The following COL5A2 variants were observed in gnomAD, a reference collection of about 807,000 sequenced individuals.
The protein encoded by COL5A2 is collagen alpha-2(V) chain.
A neutral mutation model predicts 208.2 loss-of-function variants in COL5A2; 23 were observed. That is an observed-to-expected ratio of 0.11 (90% CI 0.08 to 0.16). COL5A2 has a LOEUF of 0.16. Ranked by LOEUF, COL5A2 falls within the 10% of genes least tolerant of loss-of-function variation. The pLI is 1.00. For synonymous variants in COL5A2, 625 were observed against 628.5 expected (o/e 0.99, Z 0.08); for missense variants, 1,590 against 1,956.4 (o/e 0.81, Z 3.53).
At chr2:189,110,197 A>T in intron 2 of COL5A2, 28 bp downstream of exon 2, 1 of 1,459,760 alleles carries the variant, frequency 6.9e-7, no homozygotes, top group Non-Finnish European at 9.6e-7. Flanking sequence ...AACTGGATCA[A>T]TTATGAGTTG....
intron 1 of COL5A2, among the ~76,000 whole-genome samples, chr2:189,171,343 C>T (rs1348237453): frequency 6.6e-6 from 1 of 152,108 alleles, no homozygotes; most frequent in Non-Finnish European, 1.5e-5. Flanking sequence ...TTATATCACA[C>T]TAGCAACAGA....
chr2:189,039,942 T>TCA (rs1685524132), intron 50 of COL5A2, among the ~76,000 whole-genome samples: 3 of 152,160 alleles, frequency 2.0e-5, no homozygotes, highest in Non-Finnish European at 4.4e-5. Context: ...TAAAATTATT[T>TCA]TTGGATGAAG....
chr2:189,244,047 T>C, the COL5A2 span, among the ~76,000 whole-genome samples: 1 of 152,286 alleles, frequency 6.6e-6, no homozygotes, highest in East Asian at 1.9e-4. Context: ...ATGGGGACCC[T>C]GGGCCAGGCT....
At position 189,061,573 on chromosome 2, in the gene COL5A2, T is replaced by C. The variant is rs1686034098; in HGVS notation, c.2020A>G (p.Thr674Ala). 6.2e-7 allele frequency: 1 copy of C among 1,613,002 alleles called. No homozygotes were observed. The highest frequency in any genetic ancestry group is 8.5e-7 in the Non-Finnish European group (1 of 1,179,306). ...GAATTAGTGCATACCTGAAAACCTG[T>C]GGGGCCTGGAGGTCCTTGTTCTCCT... ...ERGEQGPPGP[T>A]GFQGLPGPPG... The change falls in exon 30 of 54, where the codon ACA (threonine) becomes GCA (alanine). Residue 674 changes from threonine to alanine, a missense_variant. By Grantham distance (58) the Thr-to-Ala change is moderately conservative. Transcript: ENST00000374866.
chr2:189,234,039 C>T, the COL5A2 span, among the ~76,000 whole-genome samples: 4 of 151,526 alleles, frequency 2.6e-5, no homozygotes, highest in South Asian at 4.2e-4. Flanking sequence ...GTCTATATTA[C>T]CTGTGATATC....
rs1361868986 is a variant in COL5A2 at position 189,065,076 on chromosome 2, T to C, written c.1564-19A>G. On this transcript the variant is annotated intron_variant, in intron 23 of 53. Coordinates refer to ENST00000374866, the MANE Select transcript of COL5A2 (RefSeq NM_000393.5). ...GAGCACCCTACAAATGACCAAAATG[T>C]GATTCTTAATTGTTGTTGATATTTT... The C allele has an allele frequency of 6.2e-7, 1 of 1,611,528 alleles. No homozygotes were observed. Among genetic ancestry groups the C allele is most frequent in the Non-Finnish European group, 8.5e-7 (1 of 1,178,404 alleles).
intron 1 of COL5A2, among the ~76,000 whole-genome samples, chr2:189,154,046 T>C (rs936759426): frequency 2.0e-5 from 3 of 152,150 alleles, no homozygotes; most frequent in Admixed American, 2.0e-4. Context: ...ACACATTTTA[T>C]GAGTCAATGT....
chr2:189,420,466 T>C, the COL5A2 span, among the ~76,000 whole-genome samples: 1 of 152,158 alleles, frequency 6.6e-6, no homozygotes, highest in Non-Finnish European at 1.5e-5. Context: ...TTTCTCCATA[T>C]TCACAATCAT....
the COL5A2 span, among the ~76,000 whole-genome samples, chr2:189,254,772 G>T: frequency 1.3e-5 from 2 of 152,192 alleles, no homozygotes; most frequent in African/African-American, 4.8e-5. Flanking sequence ...ATGTTGTTGA[G>T]GCATGCCAGG....
chr2:189,369,439 T>C, the COL5A2 span, among the ~76,000 whole-genome samples: 1 of 152,140 alleles, frequency 6.6e-6, no homozygotes, highest in African/African-American at 2.4e-5. Context: ...ATGTAGAATA[T>C]AGATAATTTC....
chr2:189,428,550 G>A, the COL5A2 span, among the ~76,000 whole-genome samples: 4 of 152,046 alleles, frequency 2.6e-5, no homozygotes, highest in Admixed American at 6.5e-5. Context: ...CCCAGGAGGC[G>A]GAGGTTGCAG....
At chr2:189,202,140 T>C (rs1222462738) in intron 1 of COL5A2, among the ~76,000 whole-genome samples, 1 of 151,834 alleles carries the variant, frequency 6.6e-6, no homozygotes. Context: ...AGGATAATAA[T>C]TAAAAGGGTA....
chr2:189,343,710 G>A, the COL5A2 span, among the ~76,000 whole-genome samples: 1 of 152,092 alleles, frequency 6.6e-6, no homozygotes. Context: ...ATCTAAGTAA[G>A]AACCTTAAAT....
the COL5A2 span, among the ~76,000 whole-genome samples, chr2:189,260,357 G>C: frequency 1.3e-5 from 2 of 152,190 alleles, no homozygotes; most frequent in African/African-American, 4.8e-5. Flanking sequence ...GCAACTAAGA[G>C]TATTTGGGTA....
the COL5A2 span, among the ~76,000 whole-genome samples, chr2:189,420,248 T>G: frequency 6.6e-6 from 1 of 152,220 alleles, no homozygotes; most frequent in African/African-American, 2.4e-5. Flanking sequence ...CAAGTATTAA[T>G]GGATAATGGA....
chr2:189,309,954 G>C, the COL5A2 span, among the ~76,000 whole-genome samples: 1 of 152,164 alleles, frequency 6.6e-6, no homozygotes, highest in Admixed American at 6.5e-5. Flanking sequence ...TTGATGCAAG[G>C]TGACTGGAAA....
At chr2:189,263,229 C>T in the COL5A2 span, among the ~76,000 whole-genome samples, 1 of 152,076 alleles carries the variant, frequency 6.6e-6, no homozygotes, top group Non-Finnish European at 1.5e-5. Flanking sequence ...AGTATCCCAT[C>T]CTCCACCACC....
chr2:189,427,564 C>G, the COL5A2 span, among the ~76,000 whole-genome samples: 1 of 152,128 alleles, frequency 6.6e-6, no homozygotes, highest in Non-Finnish European at 1.5e-5. Context: ...CCACCAACAG[C>G]TTGGATCATG....
the COL5A2 span, among the ~76,000 whole-genome samples, chr2:189,436,386 G>A: frequency 2.0e-5 from 3 of 152,092 alleles, no homozygotes; most frequent in African/African-American, 7.2e-5. Flanking sequence ...GGGGTGGGGG[G>A]AGCGGGGAGG....
Sources: allele counts gnomAD v4.1 joint callset (sites outside exome capture counted in the v4.1 genomes callset), GRCh38; gene constraint gnomAD v4.1.1; transcripts MANE v1.5; gene names NCBI Gene and HGNC (gene_info 2026-07-23, HGNC 2026-07-21).